RHOA: variants seen among roughly 807,000 people sequenced by gnomAD.
The protein encoded by RHOA is transforming protein RhoA.
In RHOA, 3 loss-of-function variants were observed where a neutral mutation model predicts 17.5. The observed-to-expected ratio is 0.17, with a 90% CI of 0.08 to 0.44. The LOEUF (loss-of-function observed/expected upper bound fraction) is 0.44. Among genes scored for constraint, RHOA ranks in the 20% least tolerant of loss-of-function variants. The pLI, the probability that RHOA is intolerant of heterozygous loss-of-function variation, is 0.99. For synonymous variants in RHOA, 98 were observed against 88.4 expected (o/e 1.11, Z -0.61); for missense variants, 56 against 242.3 (o/e 0.23, Z 5.10).
intron 3 of RHOA, among the ~76,000 whole-genome samples, chr3:49,363,577 C>T (rs956804354): frequency 1.3e-5 from 2 of 149,062 alleles, no homozygotes; most frequent in East Asian, 2.1e-4. Flanking sequence ...CTCCAGACAG[C>T]GTGGTGGCTC....
chr3:49,393,117 A>G (rs1318552772), intron 1 of RHOA, among the ~76,000 whole-genome samples: 1 of 152,146 alleles, frequency 6.6e-6, no homozygotes, highest in Non-Finnish European at 1.5e-5. Context: ...CGGAGGCTGC[A>G]GTGAGCCAAG....
intron 1 of RHOA, among the ~76,000 whole-genome samples, chr3:49,404,638 A>G (rs1575287985): frequency 1.7e-5 from 2 of 116,992 alleles, no homozygotes; most frequent in African/African-American, 3.2e-5. Context: ...AAAAAAAAAA[A>G]GGCCAGAAGG....
chr3:49,366,429 C>A (rs1487164853), intron 3 of RHOA: 1 of 152,120 alleles, frequency 6.6e-6, no homozygotes, highest in East Asian at 1.9e-4. Flanking sequence ...ACGGAGAAAC[C>A]CGGTCTCTAC....
At chr3:49,383,167 C>T (rs775299963) in intron 1 of RHOA, among the ~76,000 whole-genome samples, 1 of 152,120 alleles carries the variant, frequency 6.6e-6, no homozygotes, top group South Asian at 2.1e-4. Context: ...GGTGTGGTGG[C>T]TCACGCCTGT....
chr3:49,404,005 G>C (rs919068844), intron 1 of RHOA, among the ~76,000 whole-genome samples: 1 of 147,336 alleles, frequency 6.8e-6, no homozygotes, highest in South Asian at 2.1e-4. Flanking sequence ...CCTGAATAGT[G>C]AAAGTTGAAG....
At chr3:49,382,302 G>A (rs943058678) in intron 1 of RHOA, among the ~76,000 whole-genome samples, 4 of 149,368 alleles carry the variant, frequency 2.7e-5, no homozygotes, top group Non-Finnish European at 5.9e-5. Flanking sequence ...CTGGGTGACA[G>A]AGAGAGACTC....
At chr3:49,375,864 T>C (rs1425124389) in intron 1 of RHOA, among the ~76,000 whole-genome samples, 1 of 152,206 alleles carries the variant, frequency 6.6e-6, no homozygotes, top group Non-Finnish European at 1.5e-5. Context: ...CTTTTTTTTT[T>C]TGAGACGGAG....
At chr3:49,378,431 G>A (rs34837618) in intron 1 of RHOA, among the ~76,000 whole-genome samples, 1 of 151,752 alleles carries the variant, frequency 6.6e-6, no homozygotes, top group Non-Finnish European at 1.5e-5. Flanking sequence ...ATTTTTGGCA[G>A]AGACAGGGTT....
At chr3:49,371,879 T>C (rs534958826) in intron 2 of RHOA, among the ~76,000 whole-genome samples, 37 of 152,306 alleles carry the variant, frequency 2.4e-4, no homozygotes, top group Middle Eastern at 3.4e-3. Flanking sequence ...GCAGAAATAA[T>C]GTTTCCAAGA....
intron 1 of RHOA, among the ~76,000 whole-genome samples, chr3:49,404,631 AAAAAAAAG>A: frequency 6.8e-6 from 1 of 148,136 alleles, no homozygotes; most frequent in African/African-American, 2.5e-5. Context: ...AAAAAAAAAA[AAAAAAAAG>A]GCCAGAAGGC....
intron 1 of RHOA, among the ~76,000 whole-genome samples, chr3:49,379,024 C>T (rs1271793991): frequency 6.6e-6 from 1 of 152,058 alleles, no homozygotes; most frequent in Non-Finnish European, 1.5e-5. Context: ...CAATTCTATT[C>T]CTAGGTATAT....
chr3:49,396,804 G>A (rs1027713418), intron 1 of RHOA, among the ~76,000 whole-genome samples: 3 of 151,864 alleles, frequency 2.0e-5, no homozygotes, highest in Non-Finnish European at 4.4e-5. Flanking sequence ...GGGCAACATA[G>A]TGAGACCACA....
At chr3:49,403,156 G>C (rs2048754442) in intron 1 of RHOA, among the ~76,000 whole-genome samples, 1 of 151,970 alleles carries the variant, frequency 6.6e-6, no homozygotes, top group African/African-American at 2.4e-5. Flanking sequence ...GGCTAACAGA[G>C]TGAAACCCCA....
chr3:49,382,897 A>C (rs1017891450), intron 1 of RHOA, among the ~76,000 whole-genome samples: 1 of 151,894 alleles, frequency 6.6e-6, no homozygotes, highest in African/African-American at 2.4e-5. Context: ...TCCACTAAAA[A>C]TACAAAAATT....
At chr3:49,394,914 T>C (rs1285160947) in intron 1 of RHOA, among the ~76,000 whole-genome samples, 1 of 152,012 alleles carries the variant, frequency 6.6e-6, no homozygotes, top group East Asian at 1.9e-4. Context: ...CTTTCTAAGG[T>C]GAGGAAACAG....
intron 1 of RHOA, among the ~76,000 whole-genome samples, chr3:49,387,755 A>AC (rs1264504478): frequency 2.7e-5 from 4 of 150,070 alleles, no homozygotes; most frequent in Non-Finnish European, 4.4e-5. Context: ...AAAAAAAACA[A>AC]AAAAAAAAAC....
At chr3:49,376,934 G>A (rs536380002) in intron 1 of RHOA, among the ~76,000 whole-genome samples, 249 of 151,972 alleles carry the variant, frequency 1.6e-3, no homozygotes, top group Admixed American at 3.2e-3. Flanking sequence ...TTTGAGACCA[G>A]CCTGGCCAAC....
rs572095239 is a variant in RHOA, at chr3:49,403,485, C to T, written c.-3+8335G>A. 1.3e-4 allele frequency among the ~76,000 whole-genome samples: 20 copies of T among 151,778 alleles called. No individual in the cohort carries two copies. The East Asian group carries it at 3.9e-3, about 29-fold the overall frequency. On this transcript the variant is annotated intron_variant, in intron 1 of 4. Transcript: ENST00000418115. ...ATCCCAGGGCTTTGTGAGGTTGAGA[C>T]GAGAGAATCACTTAAGGCCAGGAGT...
At chr3:49,402,851 C>T (rs1481618882) in intron 1 of RHOA, among the ~76,000 whole-genome samples, 1 of 152,060 alleles carries the variant, frequency 6.6e-6, no homozygotes, top group Non-Finnish European at 1.5e-5. Flanking sequence ...GCCTGGCCAA[C>T]ATGGCGAAAC....
Sources: allele counts gnomAD v4.1 joint callset (sites outside exome capture counted in the v4.1 genomes callset), GRCh38; gene constraint gnomAD v4.1.1; transcripts MANE v1.5; gene names NCBI Gene and HGNC (gene_info 2026-07-23, HGNC 2026-07-21).